The following FGF12 variants were observed in gnomAD, a reference collection of about 807,000 sequenced individuals.
FGF12 encodes fibroblast growth factor 12, also known as fibroblast growth factor 12B.
Under a neutral mutation model 23.6 loss-of-function variants are expected in FGF12, and 14 were observed. That is an observed-to-expected ratio of 0.59 (90% CI 0.39 to 0.93). The LOEUF (loss-of-function observed/expected upper bound fraction) is 0.93. Among genes scored for constraint, FGF12 ranks in the 40% least tolerant of loss-of-function variants. FGF12 has a pLI of 0.00. For missense variants in FGF12, 175 were observed against 217.8 expected (o/e 0.80, Z 1.24); for synonymous variants, 62 against 77.3 (o/e 0.80, Z 1.04).
intron 2 of FGF12, among the ~76,000 whole-genome samples, chr3:192,688,545 AC>A (rs982277888): frequency 2.6e-5 from 4 of 152,246 alleles, no homozygotes; most frequent in African/African-American, 7.2e-5. Context: ...AAAGAATTGG[AC>A]ATTGTCTATG....
At chr3:192,642,675 C>T (rs768798676) in intron 2 of FGF12, among the ~76,000 whole-genome samples, 16 of 152,160 alleles carry the variant, frequency 1.1e-4, no homozygotes, top group Non-Finnish European at 2.1e-4. Flanking sequence ...GTAAGAATTG[C>T]CTCTCTCTCA....
intron 2 of FGF12, among the ~76,000 whole-genome samples, chr3:192,595,447 T>G (rs1353807337): frequency 7.2e-5 from 11 of 152,210 alleles, no homozygotes. Flanking sequence ...CTTCTTGGCC[T>G]CGGTGAGCCT....
intron 4 of FGF12, among the ~76,000 whole-genome samples, chr3:192,212,018 T>A (rs1339749596): frequency 6.6e-6 from 1 of 152,236 alleles, no homozygotes; most frequent in Non-Finnish European, 1.5e-5. Context: ...TTGTGCAACT[T>A]GAACAACATG....
At chr3:192,305,971 C>T (rs1057367349) in intron 4 of FGF12, among the ~76,000 whole-genome samples, 1 of 148,766 alleles carries the variant, frequency 6.7e-6, no homozygotes, top group Non-Finnish European at 1.5e-5. Flanking sequence ...CGCCATTCTC[C>T]TGCCTCAGCC....
At chr3:192,561,577 T>TGG (rs1560150905) in intron 2 of FGF12, among the ~76,000 whole-genome samples, 6 of 152,094 alleles carry the variant, frequency 3.9e-5, no homozygotes, top group African/African-American at 7.2e-5. Flanking sequence ...TTAGCCAGGA[T>TGG]AGTCTCGATC....
intron 2 of FGF12, among the ~76,000 whole-genome samples, chr3:192,666,002 A>G (rs1716857689): frequency 2.6e-5 from 4 of 152,188 alleles, no homozygotes; most frequent in Non-Finnish European, 5.9e-5. Flanking sequence ...CCACTAAGAA[A>G]TAATCCTTAG....
intron 4 of FGF12, among the ~76,000 whole-genome samples, chr3:192,311,083 A>G (rs897144449): frequency 6.6e-6 from 1 of 152,202 alleles, no homozygotes; most frequent in African/African-American, 2.4e-5. Flanking sequence ...TTAAATAATG[A>G]TTAAATTGAC....
chr3:192,329,236 T>C (rs79617414), intron 4 of FGF12, among the ~76,000 whole-genome samples: 1,646 of 152,264 alleles, frequency 0.011, 16 homozygotes, highest in South Asian at 0.044. Context: ...CTAATTCTCA[T>C]AGAGGATGGA....
At chr3:192,721,163 T>C (rs572025787) in intron 2 of FGF12, among the ~76,000 whole-genome samples, 1 of 152,272 alleles carries the variant, frequency 6.6e-6, no homozygotes, top group Non-Finnish European at 1.5e-5. Context: ...ACTACAAAAA[T>C]GGCAGAGGAC....
intron 5 of FGF12, among the ~76,000 whole-genome samples, chr3:192,168,449 G>A (rs989973754): frequency 6.6e-6 from 1 of 152,086 alleles, no homozygotes; most frequent in Non-Finnish European, 1.5e-5. Context: ...CAGGAACCTG[G>A]CCTAGCCCTG....
chr3:192,230,493 A>AGTG (rs1718962806), intron 4 of FGF12, among the ~76,000 whole-genome samples: 1 of 152,180 alleles, frequency 6.6e-6, no homozygotes, highest in Non-Finnish European at 1.5e-5. Flanking sequence ...CTTGAGAAAC[A>AGTG]GTGATGACAG....
At chr3:192,574,888 G>A (rs551106543) in intron 2 of FGF12, among the ~76,000 whole-genome samples, 9 of 152,260 alleles carry the variant, frequency 5.9e-5, no homozygotes, top group South Asian at 2.1e-4. Context: ...CAGCTAAGCC[G>A]CTCCCAAATG....
intron 2 of FGF12, among the ~76,000 whole-genome samples, chr3:192,415,690 G>A (rs1450928587): frequency 1.4e-5 from 2 of 145,242 alleles, no homozygotes; most frequent in Admixed American, 1.4e-4. Flanking sequence ...CCCATATCTA[G>A]GCCTATATTT....
chr3:192,393,320 A>G (rs1487315100), intron 2 of FGF12, among the ~76,000 whole-genome samples: 2 of 152,232 alleles, frequency 1.3e-5, no homozygotes, highest in Non-Finnish European at 2.9e-5. Context: ...AGAATCCTAC[A>G]TTGACTCTCA....
At chr3:192,499,149 T>C (rs564498594) in intron 2 of FGF12, among the ~76,000 whole-genome samples, 9 of 152,276 alleles carry the variant, frequency 5.9e-5, no homozygotes, top group African/African-American at 2.2e-4. Flanking sequence ...TCATGCTTTT[T>C]ATATTTTACG....
intron 3 of FGF12, among the ~76,000 whole-genome samples, chr3:192,339,114 C>T (rs1453302541): frequency 6.6e-6 from 1 of 152,130 alleles, no homozygotes. Flanking sequence ...CTTTGTGAGA[C>T]TTACTAAGCC....
Position 192,199,835 on chromosome 3 carries a change from G to A in FGF12, c.229-29179C>T, listed in dbSNP as rs76433205. 2.0e-3 allele frequency among the ~76,000 whole-genome samples: 301 copies of A among 152,238 alleles called. 3 individuals are homozygous for A. The highest frequency in any genetic ancestry group is 6.9e-3 in the African/African-American group (288 of 41,536). ...CCACTCTTACGCCAGGAAAGCTCAA[G>A]AATAAAACCATCACAGTTCAGATGG... is the stretch of plus-strand genomic sequence containing the variant. On this transcript the variant is annotated intron_variant, in intron 4 of 5. Coordinates refer to ENST00000445105, the MANE Select transcript of FGF12 (RefSeq NM_004113.6).
At position 192,727,332 on chromosome 3, in the gene FGF12, T is replaced by C. The variant is rs1176909738; in HGVS notation, c.-130-9A>G. ...CCTTCCCCTCAGGCTTCCTGAAAGATGGGATTTCTTAAACCTTGAAGCTGC... is the reference window on the plus strand; with the variant it reads ...CCTTCCCCTCAGGCTTCCTGAAAGACGGGATTTCTTAAACCTTGAAGCTGC... On this transcript the variant is annotated splice_polypyrimidine_tract_variant and intron_variant, in intron 1 of 5. Coordinates refer to ENST00000445105, the MANE Select transcript of FGF12 (RefSeq NM_004113.6). The C allele has an allele frequency of 1.9e-6, 3 of 1,545,292 alleles. No individual in the cohort carries two copies. In the African/African-American group the frequency reaches 4.1e-5, roughly 21 times the overall value.
intron 3 of FGF12, among the ~76,000 whole-genome samples, chr3:192,337,278 C>A (rs528328552): frequency 6.6e-6 from 1 of 152,092 alleles, no homozygotes; most frequent in South Asian, 2.1e-4. Context: ...TCATGGAATG[C>A]CTTACACAGA....
Sources: gnomAD v4.1 joint callset for allele counts (sites outside exome capture counted in the v4.1 genomes callset) on GRCh38, gnomAD v4.1.1 for gene constraint, MANE v1.5 for transcripts, NCBI Gene and HGNC (gene_info 2026-07-23, HGNC 2026-07-21) for gene names.